The following KCND2 variants were observed in gnomAD, a reference collection of about 807,000 sequenced individuals.
The protein encoded by KCND2 is potassium voltage-gated channel subfamily D member 2.
A neutral mutation model predicts 54.4 loss-of-function variants in KCND2; 16 were observed. The ratio of observed to expected loss-of-function variants is 0.29; its 90% CI spans 0.20 to 0.45. The LOEUF (loss-of-function observed/expected upper bound fraction) is 0.45, where lower values mean the gene tolerates loss of function less well. KCND2 is among the 20% of genes least tolerant of loss of function. The pLI is 1.00. For synonymous variants in KCND2, 317 were observed against 310.7 expected (o/e 1.02, Z -0.21); for missense variants, 486 against 824.2 (o/e 0.59, Z 5.02).
intron 1 of KCND2, among the ~76,000 whole-genome samples, chr7:120,438,433 A>T (rs934826031): frequency 3.9e-5 from 6 of 152,208 alleles, no homozygotes; most frequent in African/African-American, 1.2e-4. Flanking sequence ...CAATTTGAGT[A>T]ATATTTTCCA....
At chr7:120,332,177 T>C (rs1008460839) in intron 1 of KCND2, among the ~76,000 whole-genome samples, 15 of 152,090 alleles carry the variant, frequency 9.9e-5, no homozygotes, top group African/African-American at 3.6e-4. Context: ...TTAAGCAAAT[T>C]AGCTTCTGAA....
chr7:120,460,559 T>TC (rs1491435671), intron 1 of KCND2, among the ~76,000 whole-genome samples: 5 of 84,614 alleles, frequency 5.9e-5, no homozygotes, highest in African/African-American at 5.2e-4. Flanking sequence ...CACCACGGCC[T>TC]TTTTTTTTTT....
chr7:120,672,047 C>CA (rs1791999791), intron 1 of KCND2, among the ~76,000 whole-genome samples: 2 of 151,918 alleles, frequency 1.3e-5, no homozygotes. Flanking sequence ...AGCCTGTCCT[C>CA]ACCTGTTCTT....
chr7:120,367,201 A>T (rs7793864), intron 1 of KCND2, among the ~76,000 whole-genome samples: 126,172 of 152,086 alleles, frequency 0.83, 54,128 homozygotes, highest in South Asian at 0.95. Context: ...TTGTTTAAGG[A>T]CAAAAGACAA....
intron 1 of KCND2, among the ~76,000 whole-genome samples, chr7:120,704,990 G>T (rs1005952812): frequency 3.3e-5 from 5 of 152,208 alleles, no homozygotes; most frequent in Middle Eastern, 3.4e-3. Context: ...TTTTTAAAAA[G>T]AATTCATATT....
chr7:120,439,168 A>G (rs1801914009), intron 1 of KCND2, among the ~76,000 whole-genome samples: 1 of 152,072 alleles, frequency 6.6e-6, no homozygotes, highest in African/African-American at 2.4e-5. Context: ...GGTTCTTTAA[A>G]TTTATATTAT....
At chr7:120,741,666 T>C in intron 3 of KCND2, 37 bp downstream of exon 3, 1 of 1,419,300 alleles carries the variant, frequency 7.0e-7, no homozygotes, top group Non-Finnish European at 9.9e-7. Flanking sequence ...AATGTTCAAT[T>C]TCTTGGTTTA....
chr7:120,607,128 A>G (rs1792891588), intron 1 of KCND2, among the ~76,000 whole-genome samples: 2 of 152,166 alleles, frequency 1.3e-5, no homozygotes, highest in Non-Finnish European at 2.9e-5. Flanking sequence ...TGGGGAGAAG[A>G]GAATGAGAAC....
intron 1 of KCND2, among the ~76,000 whole-genome samples, chr7:120,641,942 A>C (rs1793382103): frequency 6.6e-6 from 1 of 152,042 alleles, no homozygotes; most frequent in Non-Finnish European, 1.5e-5. Flanking sequence ...ATTCTTTAAC[A>C]AGATTAGAGC....
intron 4 of KCND2, 87 bp from the exon 5 acceptor site, chr7:120,745,693 A>C: frequency 7.3e-7 from 1 of 1,378,084 alleles, no homozygotes; most frequent in Non-Finnish European, 1.0e-6. Flanking sequence ...ATACTTGGGC[A>C]GATTTGAGCT....
chr7:120,397,046 T>G (rs1801164980), intron 1 of KCND2, among the ~76,000 whole-genome samples: 1 of 151,888 alleles, frequency 6.6e-6, no homozygotes, highest in Non-Finnish European at 1.5e-5. Context: ...CTTTCTTAGT[T>G]TATCTACACG....
chr7:120,665,991 A>G (rs1791921498), intron 1 of KCND2, among the ~76,000 whole-genome samples: 1 of 152,130 alleles, frequency 6.6e-6, no homozygotes, highest in African/African-American at 2.4e-5. Flanking sequence ...AATCAATCAA[A>G]AAATAGTACT....
intron 1 of KCND2, among the ~76,000 whole-genome samples, chr7:120,389,291 C>T (rs1801038627): frequency 1.3e-5 from 2 of 151,858 alleles, no homozygotes; most frequent in African/African-American, 2.4e-5. Context: ...TTTTGATACA[C>T]ATAGTGAAAT....
chr7:120,307,999 T>A lies in KCND2; in HGVS notation c.1115+32252T>A, dbSNP rs150879676. Among the ~76,000 whole-genome samples the A allele has an allele frequency of 4.3e-4, 66 of 152,200 alleles. 1 individual carries two copies. In the East Asian group the frequency reaches 0.011, roughly 26 times the overall value. On this transcript the variant is annotated intron_variant, in intron 1 of 5. Coordinates refer to ENST00000331113, the MANE Select transcript of KCND2 (RefSeq NM_012281.3). ...GTTTTAGAATTTTATGATACAAGCC[T>A]TTTTTTGTTCCATGAGTACATGTAG...
At chr7:120,747,653 C>G (rs1459501004) in intron 5 of KCND2, 28 bp from the exon 6 acceptor site, 1 of 1,558,886 alleles carries the variant, frequency 6.4e-7, no homozygotes, top group Non-Finnish European at 8.8e-7. Context: ...AAACAACTTA[C>G]TTTCCTAAAT....
chr7:120,349,908 T>C (rs1022569719), intron 1 of KCND2, among the ~76,000 whole-genome samples: 1 of 152,176 alleles, frequency 6.6e-6, no homozygotes, highest in East Asian at 1.9e-4. Context: ...TTATTCTCTT[T>C]AGTATCTTTT....
chr7:120,599,934 T>C (rs1001159915), intron 1 of KCND2, among the ~76,000 whole-genome samples: 1 of 152,074 alleles, frequency 6.6e-6, no homozygotes, highest in Non-Finnish European at 1.5e-5. Flanking sequence ...AAGTTTCTTG[T>C]AGATATTCTT....
chr7:120,613,900 CT>C (rs1792988989), intron 1 of KCND2, among the ~76,000 whole-genome samples: 1 of 152,148 alleles, frequency 6.6e-6, no homozygotes, highest in Non-Finnish European at 1.5e-5. Flanking sequence ...CTAGAAATTG[CT>C]TTGATGAAAT....
At chr7:120,735,679 A>G (rs1792861245) in intron 2 of KCND2, among the ~76,000 whole-genome samples, 1 of 152,124 alleles carries the variant, frequency 6.6e-6, no homozygotes, top group Non-Finnish European at 1.5e-5. Flanking sequence ...ATTGAAAAGT[A>G]TATTTTGTGA....
Sources: gnomAD v4.1 joint callset for allele counts (sites outside exome capture counted in the v4.1 genomes callset) on GRCh38, gnomAD v4.1.1 for gene constraint, MANE v1.5 for transcripts, NCBI Gene and HGNC (gene_info 2026-07-23, HGNC 2026-07-21) for gene names.